Variants in NREP observed in about 807,000 individuals in gnomAD.
The protein encoded by NREP is neuronal regeneration-related protein.
A neutral mutation model predicts 8.6 loss-of-function variants in NREP; 5 were observed. The observed-to-expected ratio is 0.58, with a 90% CI of 0.30 to 1.22. The LOEUF is 1.22. NREP is among the 50% of genes most tolerant of loss of function. The pLI, the probability that NREP is intolerant of heterozygous loss-of-function variation, is 0.07. For missense variants in NREP, 86 were observed against 82.5 expected (o/e 1.04, Z -0.17); for synonymous variants, 27 against 28.0 (o/e 0.96, Z 0.11).
intron 2 of NREP, among the ~76,000 whole-genome samples, chr5:111,778,424 C>T (rs1380849330): frequency 1.3e-5 from 2 of 152,134 alleles, no homozygotes; most frequent in African/African-American, 2.4e-5. Context: ...AAGTAGTGTG[C>T]TTAACAGTTA....
chr5:111,803,809 C>G (rs1291070905), intron 2 of NREP, among the ~76,000 whole-genome samples: 1 of 152,038 alleles, frequency 6.6e-6, no homozygotes, highest in Non-Finnish European at 1.5e-5. Context: ...AAAAATTATG[C>G]AGGTACAAAA....
At chr5:111,736,024 G>C (rs766595762) in intron 2 of NREP, among the ~76,000 whole-genome samples, 77 of 152,174 alleles carry the variant, frequency 5.1e-4, no homozygotes, top group Non-Finnish European at 1.0e-3. Context: ...AAGTGTCTGA[G>C]GGAGGGGCGG....
At chr5:111,858,688 A>G (rs79974600) in intron 2 of NREP, among the ~76,000 whole-genome samples, 12,189 of 152,078 alleles carry the variant, frequency 0.08, 753 homozygotes, top group East Asian at 0.24. Flanking sequence ...TCTCGATCAT[A>G]AGGTCTGATT....
At chr5:111,830,993 A>G (rs1234668778) in intron 2 of NREP, among the ~76,000 whole-genome samples, 1 of 152,210 alleles carries the variant, frequency 6.6e-6, no homozygotes, top group Non-Finnish European at 1.5e-5. Context: ...GAATTCTCCT[A>G]TATGGGAAGA....
intron 2 of NREP, among the ~76,000 whole-genome samples, chr5:111,877,480 T>G (rs890990356): frequency 6.6e-6 from 1 of 152,228 alleles, no homozygotes; most frequent in African/African-American, 2.4e-5. Context: ...GCTTGCTGTT[T>G]AGAAACAAAC....
At chr5:111,897,715 C>G (rs1416334579) in intron 2 of NREP, among the ~76,000 whole-genome samples, 2 of 152,102 alleles carry the variant, frequency 1.3e-5, no homozygotes, top group African/African-American at 4.8e-5. Flanking sequence ...TTCTTCCTAA[C>G]TTTGTTCTCT....
intron 2 of NREP, among the ~76,000 whole-genome samples, chr5:111,767,014 A>G (rs978121224): frequency 1.3e-5 from 2 of 152,152 alleles, no homozygotes; most frequent in African/African-American, 4.8e-5. Flanking sequence ...ACAAACTGCA[A>G]TTTACTTTAA....
At chr5:111,803,106 G>T (rs1752051415) in intron 2 of NREP, among the ~76,000 whole-genome samples, 1 of 152,142 alleles carries the variant, frequency 6.6e-6, no homozygotes, top group Non-Finnish European at 1.5e-5. Context: ...GTTGGAGCAG[G>T]TCAGTGGAAA....
intron 2 of NREP, among the ~76,000 whole-genome samples, chr5:111,817,709 G>T (rs1206546342): frequency 6.7e-6 from 1 of 150,370 alleles, no homozygotes; most frequent in Non-Finnish European, 1.5e-5. Flanking sequence ...GGAGGCTGAG[G>T]CAGGAGAATG....
At chr5:111,802,512 A>T (rs1752036882) in intron 2 of NREP, among the ~76,000 whole-genome samples, 1 of 152,202 alleles carries the variant, frequency 6.6e-6, no homozygotes, top group Non-Finnish European at 1.5e-5. Flanking sequence ...CAGAGTGTAC[A>T]TACGGCAGAG....
upstream of NREP, chr5:111,758,010 CCT>C: frequency 1.0e-6 from 1 of 985,574 alleles, no homozygotes; most frequent in Non-Finnish European, 1.2e-6. Context: ...CTTTTATGTG[CCT>C]GTCCTGAGCG....
intron 2 of NREP, among the ~76,000 whole-genome samples, chr5:111,903,655 C>T (rs140048920): frequency 1.1e-3 from 163 of 152,048 alleles, no homozygotes; most frequent in African/African-American, 3.6e-3. Flanking sequence ...GGTAATTGTT[C>T]CAGAGACACT....
chr5:111,906,623 G>T (rs1754785429), intron 2 of NREP, among the ~76,000 whole-genome samples: 1 of 152,042 alleles, frequency 6.6e-6, no homozygotes, highest in Non-Finnish European at 1.5e-5. Context: ...AGAGTTAACT[G>T]CTCACTCTAC....
chr5:111,735,940 AAGC>A (rs1276533850), intron 2 of NREP, among the ~76,000 whole-genome samples: 2 of 152,236 alleles, frequency 1.3e-5, no homozygotes, highest in Non-Finnish European at 2.9e-5. Context: ...AGAGGAAAGA[AAGC>A]AGCAGCCCAG....
intron 2 of NREP, among the ~76,000 whole-genome samples, chr5:111,889,858 G>C (rs1754351930): frequency 6.6e-6 from 1 of 152,128 alleles, no homozygotes; most frequent in East Asian, 1.9e-4. Context: ...TACAGTTAAA[G>C]GGGGTTATTC....
intron 3 of NREP, chr5:111,732,332 A>T (rs1000203395): frequency 1.3e-5 from 2 of 152,142 alleles, no homozygotes. Context: ...AAAAAGTCTT[A>T]CTTACTGTAC....
At chr5:111,749,943 A>G (rs745418418) in intron 2 of NREP, among the ~76,000 whole-genome samples, 7 of 152,160 alleles carry the variant, frequency 4.6e-5, no homozygotes, top group Non-Finnish European at 1.0e-4. Flanking sequence ...CTTTAACCAG[A>G]AAGTGTAAGT....
chr5:111,738,262 C>A (rs1436571950), intron 2 of NREP: 1 of 152,174 alleles, frequency 6.6e-6, no homozygotes, highest in African/African-American at 2.4e-5. Context: ...GAGAAAAGAT[C>A]TATTGACAAT....
chr5:111,941,402 G>C (rs1002369014), intron 2 of NREP, among the ~76,000 whole-genome samples: 1 of 152,024 alleles, frequency 6.6e-6, no homozygotes, highest in African/African-American at 2.4e-5. Context: ...CCAAGATCAA[G>C]GTGTCAGCAG....
Sources: allele counts gnomAD v4.1 joint callset (sites outside exome capture counted in the v4.1 genomes callset), GRCh38; gene constraint gnomAD v4.1.1; transcripts MANE v1.5; gene names NCBI Gene and HGNC (gene_info 2026-07-23, HGNC 2026-07-21).